KHDRBS3: variants seen among roughly 807,000 people sequenced by gnomAD.
The protein encoded by KHDRBS3 is KH domain-containing, RNA-binding, signal transduction-associated protein 3.
In KHDRBS3, 23 loss-of-function variants were observed where a neutral mutation model predicts 45.6. The ratio of observed to expected loss-of-function variants is 0.50; its 90% CI spans 0.36 to 0.72. The LOEUF is 0.72. KHDRBS3 is among the 30% of genes least tolerant of loss of function. The probability of loss-of-function intolerance (pLI) is 0.00; values close to 1 mark genes in which losing one functional copy is unlikely to be tolerated. For missense variants in KHDRBS3, 352 were observed against 424.8 expected (o/e 0.83, Z 1.51); for synonymous variants, 162 against 156.5 (o/e 1.04, Z -0.26).
chr8:135,480,839 A>G (rs1040431288), intron 1 of KHDRBS3, among the ~76,000 whole-genome samples: 7 of 152,160 alleles, frequency 4.6e-5, no homozygotes, highest in Non-Finnish European at 7.3e-5. Flanking sequence ...GTAGTACTTC[A>G]TGTTACATAT....
chr8:135,571,617 G>A (rs914829374), intron 5 of KHDRBS3, among the ~76,000 whole-genome samples: 6 of 152,126 alleles, frequency 3.9e-5, no homozygotes, highest in African/African-American at 1.2e-4. Flanking sequence ...ATTCCGCAGG[G>A]AGAGAGCGGA....
intron 1 of KHDRBS3, among the ~76,000 whole-genome samples, chr8:135,465,286 G>GT (rs200835305): frequency 0.013 from 1,967 of 152,192 alleles, 35 homozygotes; most frequent in African/African-American, 0.045. Context: ...TGTTTTAGAC[G>GT]TAAGTACAGT....
At chr8:135,508,563 A>G (rs892749122) in intron 1 of KHDRBS3, among the ~76,000 whole-genome samples, 1 of 152,192 alleles carries the variant, frequency 6.6e-6, no homozygotes, top group East Asian at 1.9e-4. Flanking sequence ...GATGTTTGCA[A>G]TTAAAAGTGA....
intron 1 of KHDRBS3, among the ~76,000 whole-genome samples, chr8:135,486,084 C>T (rs1166334994): frequency 2.0e-5 from 3 of 151,888 alleles, no homozygotes; most frequent in Non-Finnish European, 4.4e-5. Flanking sequence ...TATGCCCAGT[C>T]ATGAGGCACT....
intron 1 of KHDRBS3, among the ~76,000 whole-genome samples, chr8:135,519,545 G>A (rs950503481): frequency 6.6e-6 from 1 of 152,216 alleles, no homozygotes; most frequent in African/African-American, 2.4e-5. Flanking sequence ...ATCAAGGAGT[G>A]AGAGGCTTTG....
rs1441031432 is a variant in KHDRBS3 at position 135,569,606 on chromosome 8, C to G, written c.611+12019C>G. 2.0e-5 allele frequency among the ~76,000 whole-genome samples: 3 copies of G among 151,996 alleles called. No individual in the cohort carries two copies. The East Asian group carries it at 5.8e-4, about 29-fold the overall frequency. Reference sequence around the variant, plus strand: ...TTATACTTTCCTTCCTTGTAATTTCCTGGAAAGAAAAAATATATATATTTA... The same window carrying G: ...TTATACTTTCCTTCCTTGTAATTTCGTGGAAAGAAAAAATATATATATTTA... On this transcript the variant is annotated intron_variant, in intron 5 of 8. Coordinates refer to ENST00000355849, the MANE Select transcript of KHDRBS3 (RefSeq NM_006558.3).
At chr8:135,528,212 T>A (rs565252805) in intron 2 of KHDRBS3, among the ~76,000 whole-genome samples, 1 of 152,240 alleles carries the variant, frequency 6.6e-6, no homozygotes, top group African/African-American at 2.4e-5. Flanking sequence ...GAATGTGATA[T>A]ATTTGTTCTC....
At chr8:135,631,652 G>A (rs1208744805) in intron 7 of KHDRBS3, among the ~76,000 whole-genome samples, 1 of 152,124 alleles carries the variant, frequency 6.6e-6, no homozygotes, top group Non-Finnish European at 1.5e-5. Context: ...TGAAGGACCT[G>A]CCTAAAGCTG....
intron 1 of KHDRBS3, among the ~76,000 whole-genome samples, chr8:135,460,176 AT>A (rs1162318334): frequency 2.0e-5 from 3 of 152,112 alleles, no homozygotes; most frequent in Non-Finnish European, 4.4e-5. Flanking sequence ...ATTTTTTCTT[AT>A]TTAGTTATAT....
chr8:135,497,878 A>T (rs1282648315), intron 1 of KHDRBS3, among the ~76,000 whole-genome samples: 1 of 152,170 alleles, frequency 6.6e-6, no homozygotes, highest in Non-Finnish European at 1.5e-5. Context: ...GTATTATTCC[A>T]TTTGACTTCT....
At chr8:135,464,884 A>G (rs540840962) in intron 1 of KHDRBS3, among the ~76,000 whole-genome samples, 1 of 152,338 alleles carries the variant, frequency 6.6e-6, no homozygotes, top group Admixed American at 6.5e-5. Context: ...GACACTATGT[A>G]GGGCACCTGT....
At chr8:135,473,344 A>G (rs551608757) in intron 1 of KHDRBS3, among the ~76,000 whole-genome samples, 2 of 152,206 alleles carry the variant, frequency 1.3e-5, no homozygotes, top group Non-Finnish European at 2.9e-5. Flanking sequence ...ACACCAGCAC[A>G]TGCATGCTGA....
chr8:135,489,805 C>T (rs1229371267), intron 1 of KHDRBS3, among the ~76,000 whole-genome samples: 1 of 152,100 alleles, frequency 6.6e-6, no homozygotes, highest in African/African-American at 2.4e-5. Context: ...CTTAATAATT[C>T]AGTGTAGCCT....
At chr8:135,610,956 A>G (rs1213394183) in intron 7 of KHDRBS3, among the ~76,000 whole-genome samples, 1 of 151,984 alleles carries the variant, frequency 6.6e-6, no homozygotes, top group Non-Finnish European at 1.5e-5. Context: ...ACTTGAATTT[A>G]GAGAAATTAA....
intron 1 of KHDRBS3, among the ~76,000 whole-genome samples, chr8:135,493,080 G>T (rs1263656495): frequency 2.0e-5 from 3 of 150,118 alleles, no homozygotes; most frequent in South Asian, 2.1e-4. Context: ...GATGTTACTG[G>T]AATTTTTTTT....
At chr8:135,615,878 C>T (rs1016453116) in intron 7 of KHDRBS3, among the ~76,000 whole-genome samples, 3 of 152,134 alleles carry the variant, frequency 2.0e-5, no homozygotes, top group African/African-American at 4.8e-5. Flanking sequence ...AAACACTGCT[C>T]ATACTGAAAG....
At chr8:135,462,619 T>C (rs1821488219) in intron 1 of KHDRBS3, among the ~76,000 whole-genome samples, 1 of 152,188 alleles carries the variant, frequency 6.6e-6, no homozygotes. Flanking sequence ...GAGGCACTTG[T>C]TGGTACTGGG....
At chr8:135,507,344 C>A (rs539040453) in intron 1 of KHDRBS3, among the ~76,000 whole-genome samples, 1 of 152,274 alleles carries the variant, frequency 6.6e-6, no homozygotes, top group South Asian at 2.1e-4. Context: ...TGTATTTATT[C>A]TTTGATTCTG....
At chr8:135,642,842 G>A (rs1831121056) in intron 7 of KHDRBS3, among the ~76,000 whole-genome samples, 1 of 151,260 alleles carries the variant, frequency 6.6e-6, no homozygotes, top group South Asian at 2.1e-4. Context: ...CGCCAGGCTG[G>A]AGTGCAGTGG....
Sources: allele counts gnomAD v4.1 joint callset (sites outside exome capture counted in the v4.1 genomes callset), GRCh38; gene constraint gnomAD v4.1.1; transcripts MANE v1.5; gene names NCBI Gene and HGNC (gene_info 2026-07-23, HGNC 2026-07-21).